The following ROBO2 variants were observed in gnomAD, a reference collection of about 807,000 sequenced individuals.
ROBO2 encodes the protein roundabout guidance receptor 2, also known as roundabout homolog 2.
ROBO2 carries 53 observed loss-of-function variants against 160.8 expected under a neutral mutation model. The ratio of observed to expected loss-of-function variants is 0.33; its 90% CI spans 0.26 to 0.41. The LOEUF is 0.41. ROBO2 is among the 10% of genes least tolerant of loss of function. The probability of loss-of-function intolerance (pLI) is 1.00; values close to 1 mark genes in which losing one functional copy is unlikely to be tolerated. For missense variants in ROBO2, 1,577 were observed against 1,722.4 expected, an observed-to-expected ratio of 0.92 and a Z score of 1.49; for synonymous variants, 664 against 611.7, an observed-to-expected ratio of 1.09 and a Z score of -1.26.
chr3:75,969,111 CT>C (rs915595806), intron 2 of ROBO2, among the ~76,000 whole-genome samples: 30 of 148,974 alleles, frequency 2.0e-4, no homozygotes, highest in African/African-American at 4.9e-4. Context: ...CAATTTTAAT[CT>C]TTTTTTTAAG....
intron 2 of ROBO2, among the ~76,000 whole-genome samples, chr3:76,296,377 A>G (rs1709075623): frequency 6.6e-6 from 1 of 152,194 alleles, no homozygotes; most frequent in East Asian, 1.9e-4. Context: ...TACAGCAGCC[A>G]CAGGAAACTA....
At chr3:77,048,428 A>C (rs1210146179) in intron 1 of ROBO2, among the ~76,000 whole-genome samples, 1 of 152,178 alleles carries the variant, frequency 6.6e-6, no homozygotes, top group Non-Finnish European at 1.5e-5. Flanking sequence ...CGACGAATGA[A>C]GATAGTAAAC....
chr3:76,156,490 T>C (rs1425456529), intron 2 of ROBO2, among the ~76,000 whole-genome samples: 1 of 152,202 alleles, frequency 6.6e-6, no homozygotes, highest in African/African-American at 2.4e-5. Context: ...TAAATCAGTT[T>C]CTGTCATCAT....
chr3:76,099,686 A>G (rs921439569), intron 2 of ROBO2, among the ~76,000 whole-genome samples: 4 of 152,212 alleles, frequency 2.6e-5, no homozygotes, highest in African/African-American at 7.2e-5. Flanking sequence ...ATTGTTAAAA[A>G]TCTGCAAAAT....
intron 2 of ROBO2, among the ~76,000 whole-genome samples, chr3:76,032,189 G>T (rs1298940521): frequency 6.6e-6 from 1 of 152,070 alleles, no homozygotes; most frequent in East Asian, 1.9e-4. Flanking sequence ...ATTTCTGTGG[G>T]ATCGGTGGTG....
At chr3:76,292,704 A>G (rs1342179240) in intron 2 of ROBO2, among the ~76,000 whole-genome samples, 1 of 152,230 alleles carries the variant, frequency 6.6e-6, no homozygotes, top group African/African-American at 2.4e-5. Flanking sequence ...AACTTGAAAA[A>G]AAAATTAACT....
chr3:76,214,904 G>A (rs1417361873), intron 2 of ROBO2, among the ~76,000 whole-genome samples: 2 of 152,194 alleles, frequency 1.3e-5, no homozygotes, highest in Non-Finnish European at 2.9e-5. Context: ...TAACTGGGAG[G>A]CACCCCTCAG....
chr3:76,866,372 T>C (rs1416298555), intron 2 of ROBO2, among the ~76,000 whole-genome samples: 1 of 152,200 alleles, frequency 6.6e-6, no homozygotes, highest in Non-Finnish European at 1.5e-5. Flanking sequence ...ATAAAGTGTT[T>C]ACATTAATCC....
At chr3:76,477,255 T>C (rs2107230790) in intron 2 of ROBO2, among the ~76,000 whole-genome samples, 1 of 152,302 alleles carries the variant, frequency 6.6e-6, no homozygotes, top group Non-Finnish European at 1.5e-5. Flanking sequence ...TTCTTTCATA[T>C]TCGGTTAGAC....
chr3:76,774,930 C>G (rs1242272354), intron 2 of ROBO2, among the ~76,000 whole-genome samples: 2 of 150,044 alleles, frequency 1.3e-5, no homozygotes, highest in Non-Finnish European at 3.0e-5. Context: ...TCAAAATACA[C>G]AAGAGAATGT....
chr3:76,602,368 A>G (rs1369847449), intron 2 of ROBO2, among the ~76,000 whole-genome samples: 1 of 152,016 alleles, frequency 6.6e-6, no homozygotes, highest in East Asian at 1.9e-4. Flanking sequence ...ACCCCACTCT[A>G]CTGGTACCAA....
intron 2 of ROBO2, among the ~76,000 whole-genome samples, chr3:77,343,336 C>T (rs1238004282): frequency 3.3e-5 from 5 of 152,046 alleles, no homozygotes; most frequent in African/African-American, 1.2e-4. Context: ...AGGCTTTGGC[C>T]ACTTCTGTTT....
At chr3:76,792,667 T>C (rs1023800478) in intron 2 of ROBO2, among the ~76,000 whole-genome samples, 1 of 151,730 alleles carries the variant, frequency 6.6e-6, no homozygotes, top group African/African-American at 2.4e-5. Flanking sequence ...GTCTAAAATA[T>C]AATTCAAGCA....
At chr3:76,568,542 G>A (rs2084755673) in intron 2 of ROBO2, among the ~76,000 whole-genome samples, 1 of 151,300 alleles carries the variant, frequency 6.6e-6, no homozygotes, top group African/African-American at 2.4e-5. Context: ...TCCTGACCTC[G>A]TGATCCACCC....
At chr3:76,348,388 CACTG>C (rs1413559641) in intron 2 of ROBO2, among the ~76,000 whole-genome samples, 1 of 152,072 alleles carries the variant, frequency 6.6e-6, no homozygotes, top group Non-Finnish European at 1.5e-5. Context: ...AATAGGGAAA[CACTG>C]ACCTATGAAT....
chr3:77,574,773 C>A, intron 14 of ROBO2, 43 bp downstream of exon 15: 1 of 1,433,900 alleles, frequency 7.0e-7, no homozygotes, highest in Non-Finnish European at 9.8e-7. Flanking sequence ...ATGATGAAAC[C>A]AATTTCTGTT....
chr3:76,525,863 G>A (rs11917894), intron 2 of ROBO2, among the ~76,000 whole-genome samples: 1 of 151,920 alleles, frequency 6.6e-6, no homozygotes, highest in African/African-American at 2.4e-5. Context: ...TGCTCATAAA[G>A]TAGACACTTT....
intron 2 of ROBO2, among the ~76,000 whole-genome samples, chr3:76,134,489 G>A (rs2071352492): frequency 6.6e-6 from 1 of 152,068 alleles, no homozygotes; most frequent in African/African-American, 2.4e-5. Context: ...CTAATCAGAG[G>A]TTATCTTGGA....
At chr3:77,563,237 C>T (rs781113066) in exon 11 of ROBO2, 7 of 1,613,632 alleles carry the variant, frequency 4.3e-6, no homozygotes, top group Non-Finnish European at 5.9e-6. Context: ...AACCGCAGGT[C>T]ACTGATGTTA....
Sources: allele counts gnomAD v4.1 joint callset (sites outside exome capture counted in the v4.1 genomes callset), GRCh38; gene constraint gnomAD v4.1.1; transcripts MANE v1.5; gene names NCBI Gene and HGNC (gene_info 2026-07-23, HGNC 2026-07-21).